The following KCNJ4 variants were observed in gnomAD, a reference collection of about 807,000 sequenced individuals.
KCNJ4 encodes potassium inwardly rectifying channel subfamily J member 4.
KCNJ4 carries 3 observed loss-of-function variants against 25.6 expected under a neutral mutation model. The ratio of observed to expected loss-of-function variants is 0.12; its 90% CI spans 0.05 to 0.30. KCNJ4 has a LOEUF of 0.30. Ranked by LOEUF, KCNJ4 falls within the 10% of genes least tolerant of loss-of-function variation. The pLI is 1.00. For synonymous variants in KCNJ4, 257 were observed against 283.9 expected, an observed-to-expected ratio of 0.91 and a Z score of 0.95; for missense variants, 286 against 666.8, an observed-to-expected ratio of 0.43 and a Z score of 6.29.
intron 1 of KCNJ4, among the ~76,000 whole-genome samples, chr22:38,445,149 C>G (rs539869553): frequency 3.3e-5 from 5 of 152,076 alleles, no homozygotes; most frequent in East Asian, 1.9e-4. Flanking sequence ...AAGGACAGAG[C>G]AGGGCTGGGC....
At chr22:38,445,093 G>A (rs2089364940) in intron 1 of KCNJ4, among the ~76,000 whole-genome samples, 1 of 152,034 alleles carries the variant, frequency 6.6e-6, no homozygotes, top group Non-Finnish European at 1.5e-5. Context: ...GTGTGAAAGG[G>A]CATAAAGAGA....
At position 38,449,979 on chromosome 22, in the gene KCNJ4, C is replaced by T. The variant is rs1233599320; in HGVS notation, c.-40+5001G>A. On this transcript the variant is annotated intron_variant, in intron 1 of 1. Coordinates refer to ENST00000303592, the MANE Select transcript of KCNJ4 (RefSeq NM_152868.3). This position sits in a 1 kb window ranked among gnomAD's most constrained non-coding sequence, Gnocchi z 5.2. ...CCGTGTGCGCGCCTGCAGGAGCGCG[C>T]GTGTGTGACTCAAGGTCTATTCATA... Among the ~76,000 whole-genome samples, 1 of 152,210 alleles carries T rather than the reference C, an allele frequency of 6.6e-6. No individual in the cohort carries two copies. Among genetic ancestry groups the T allele is most frequent in the Non-Finnish European group, 1.5e-5 (1 of 68,044 alleles).
In KCNJ4 at chr22:38,444,121, T is replaced by C. The variant is rs540760074; in HGVS notation, c.-40+10859A>G. On this transcript the variant is annotated intron_variant, in intron 1 of 1. Coordinates refer to ENST00000303592, the MANE Select transcript of KCNJ4 (RefSeq NM_152868.3). Reference sequence around the variant, plus strand: ...AGAGGCCCCGAGGCCCTCCCTCCCATCCAGCTCTCAGATCTTCCTGGCAGC... The same window carrying C: ...AGAGGCCCCGAGGCCCTCCCTCCCACCCAGCTCTCAGATCTTCCTGGCAGC... Among the ~76,000 whole-genome samples, 13 of 152,212 alleles carry C rather than the reference T, an allele frequency of 8.5e-5. 1 individual carries two copies. In the East Asian group the frequency reaches 2.3e-3, roughly 27 times the overall value.
intron 1 of KCNJ4, among the ~76,000 whole-genome samples, chr22:38,434,156 G>A (rs776885322): frequency 1.3e-5 from 2 of 152,194 alleles, no homozygotes; most frequent in East Asian, 1.9e-4. Context: ...GGAAGCTCAC[G>A]CCTAGAGAGC....
chr22:38,450,907 TTCCCCA>T, intron 1 of KCNJ4, among the ~76,000 whole-genome samples: 1 of 152,254 alleles, frequency 6.6e-6, no homozygotes, highest in East Asian at 1.9e-4. Context: ...TTTCCACTCT[TTCCCCA>T]GGGAAGCCCC....
At chr22:38,447,102 C>T (rs9610960) in intron 1 of KCNJ4, among the ~76,000 whole-genome samples, 13,421 of 152,154 alleles carry the variant, frequency 0.088, 668 homozygotes, top group South Asian at 0.19. Context: ...TTCCCAGTCA[C>T]GGGCCTCGCC....
intron 1 of KCNJ4, among the ~76,000 whole-genome samples, chr22:38,446,442 G>GC (rs57456611): frequency 0.23 from 35,145 of 152,018 alleles, 5,578 homozygotes; most frequent in African/African-American, 0.45. Flanking sequence ...AGCCAGCCTT[G>GC]CCCACCAAAG....
rs145840573 is a variant in KCNJ4, at chr22:38,430,487, A to G, written c.-39-2316T>C. Among the ~76,000 whole-genome samples, 1,162 of 152,326 alleles carry G rather than the reference A, an allele frequency of 7.6e-3. 8 individuals carry two copies. Among genetic ancestry groups the G allele is most frequent in the Non-Finnish European group, 0.012 (802 of 68,026 alleles). On this transcript the variant is annotated intron_variant, in intron 1 of 1. Coordinates refer to ENST00000303592, the MANE Select transcript of KCNJ4 (RefSeq NM_152868.3). Reference sequence around the variant, plus strand: ...CACTGCACTCCAGCCTGGGCAACAAAGTGAGACTTCGTCTCGAAAAAAAAA... The same window carrying G: ...CACTGCACTCCAGCCTGGGCAACAAGGTGAGACTTCGTCTCGAAAAAAAAA...
chr22:38,428,564 C>T (rs76811794), intron 1 of KCNJ4, among the ~76,000 whole-genome samples: 2,752 of 152,152 alleles, frequency 0.018, 77 homozygotes, highest in African/African-American at 0.062. Context: ...GCGCTAAGCC[C>T]GCTTCCCTCC....
intron 1 of KCNJ4, among the ~76,000 whole-genome samples, chr22:38,450,204 G>T (rs140157309): frequency 6.6e-6 from 1 of 152,188 alleles, no homozygotes; most frequent in Non-Finnish European, 1.5e-5. Context: ...GGCTGAGTCC[G>T]CAGAGGAGGC....
intron 1 of KCNJ4, among the ~76,000 whole-genome samples, chr22:38,441,810 G>A (rs2089336666): frequency 6.6e-6 from 1 of 152,198 alleles, no homozygotes; most frequent in South Asian, 2.1e-4. Flanking sequence ...GAGCAGCCTT[G>A]CCTTCAGCAG....
chr22:38,450,356 T>C (rs912302890), intron 1 of KCNJ4, among the ~76,000 whole-genome samples: 6 of 152,096 alleles, frequency 3.9e-5, no homozygotes, highest in Admixed American at 3.3e-4. Context: ...CAGGTTCACA[T>C]GGATGGGTGG....
Position 38,426,725 on chromosome 22 carries a change from G to A in KCNJ4, c.*70C>T. The A allele has an allele frequency of 6.5e-7, 1 of 1,528,208 alleles. No homozygotes were observed. The highest frequency in any genetic ancestry group is 1.3e-5 in the South Asian group (1 of 79,504). The allele number at this position is 1,528,208 out of a possible 1,614,324, so 94.7% of individuals were successfully genotyped here. ...AGGGTTGGCTCTGTCCTGAGTGTGGGAGGGGGTGTCCTGGCATCCCACCCC... is the reference window on the plus strand; with the variant it reads ...AGGGTTGGCTCTGTCCTGAGTGTGGAAGGGGGTGTCCTGGCATCCCACCCC... On this transcript the variant is annotated 3_prime_UTR_variant, in exon 2 of 2. Transcript: ENST00000303592.
chr22:38,430,978 G>A (rs963109976), intron 1 of KCNJ4, among the ~76,000 whole-genome samples: 5 of 152,224 alleles, frequency 3.3e-5, no homozygotes, highest in Non-Finnish European at 5.9e-5. Flanking sequence ...TCCCTGCAGG[G>A]GGCTGGAGTG....
At chr22:38,428,213 G>C (rs2093039012) in intron 1 of KCNJ4, 42 bp from the exon 2 acceptor site, 2 of 1,506,322 alleles carry the variant, frequency 1.3e-6, no homozygotes, top group African/African-American at 2.8e-5. Flanking sequence ...TGGGGAGCGA[G>C]GGGCTCCCTC....
intron 1 of KCNJ4, among the ~76,000 whole-genome samples, chr22:38,434,115 G>A (rs139730971): frequency 1.3e-4 from 20 of 152,294 alleles, no homozygotes; most frequent in Non-Finnish European, 1.2e-4. Flanking sequence ...CTCCAGCCCT[G>A]CCTGAAACTC....
At chr22:38,437,895 G>A (rs1297560337) in intron 1 of KCNJ4, among the ~76,000 whole-genome samples, 1 of 152,108 alleles carries the variant, frequency 6.6e-6, no homozygotes, top group Non-Finnish European at 1.5e-5. Flanking sequence ...TTGAGGTCAG[G>A]AGTTCCAGAC....
intron 1 of KCNJ4, among the ~76,000 whole-genome samples, chr22:38,433,052 A>G (rs1303624091): frequency 1.3e-5 from 2 of 152,228 alleles, no homozygotes; most frequent in East Asian, 3.8e-4. Flanking sequence ...AGTGATGGAC[A>G]TAGGAGATGC....
At chr22:38,445,984 C>A (rs2089371933) in intron 1 of KCNJ4, among the ~76,000 whole-genome samples, 1 of 152,204 alleles carries the variant, frequency 6.6e-6, no homozygotes, top group Non-Finnish European at 1.5e-5. Context: ...GCTCACAGGA[C>A]CGCCACTCTG....
Sources: allele counts gnomAD v4.1 joint callset (sites outside exome capture counted in the v4.1 genomes callset), GRCh38; gene constraint gnomAD v4.1.1; non-coding constraint Gnocchi (gnomAD v3.1); transcripts MANE v1.5; gene names NCBI Gene and HGNC (gene_info 2026-07-23, HGNC 2026-07-21).